The following NEK1 variants were observed in gnomAD, a reference collection of about 807,000 sequenced individuals.
NEK1 encodes the protein serine/threonine-protein kinase Nek1.
A neutral mutation model predicts 182.1 loss-of-function variants in NEK1; 137 were observed. The ratio of observed to expected loss-of-function variants is 0.75; its 90% CI spans 0.65 to 0.87. The LOEUF is 0.87. Among genes scored for constraint, NEK1 ranks in the 40% least tolerant of loss-of-function variants. The pLI, the probability that NEK1 is intolerant of heterozygous loss-of-function variation, is 0.00. For synonymous variants in NEK1, 513 were observed against 492.2 expected, an observed-to-expected ratio of 1.04 and a Z score of -0.56; for missense variants, 1,391 against 1,494.4, an observed-to-expected ratio of 0.93 and a Z score of 1.14.
chr4:169,547,946 T>C (rs1760795692), intron 18 of NEK1, among the ~76,000 whole-genome samples: 1 of 152,196 alleles, frequency 6.6e-6, no homozygotes, highest in Non-Finnish European at 1.5e-5. Context: ...AGTTTGTTAT[T>C]ACCCACCTCC....
intron 31 of NEK1, among the ~76,000 whole-genome samples, chr4:169,422,883 C>T (rs539901834): frequency 6.6e-6 from 1 of 152,274 alleles, no homozygotes; most frequent in African/African-American, 2.4e-5. Flanking sequence ...TACATCTTTA[C>T]TACAAGAAAA....
At chr4:169,465,700 G>T (rs1017328936) in intron 26 of NEK1, among the ~76,000 whole-genome samples, 3 of 152,100 alleles carry the variant, frequency 2.0e-5, no homozygotes, top group African/African-American at 7.2e-5. Flanking sequence ...GCACAAGGCA[G>T]ATTATTCAGA....
chr4:169,484,973 C>G (rs1308134899), intron 23 of NEK1, among the ~76,000 whole-genome samples: 1 of 152,168 alleles, frequency 6.6e-6, no homozygotes, highest in South Asian at 2.1e-4. Flanking sequence ...TTAAACACTA[C>G]AAGTCTGGTT....
chr4:169,488,289 A>T (rs1265509589), intron 23 of NEK1, among the ~76,000 whole-genome samples: 3 of 152,022 alleles, frequency 2.0e-5, no homozygotes, highest in Non-Finnish European at 4.4e-5. Flanking sequence ...TTCTTCTAGG[A>T]TTTCTATAGT....
In NEK1 at chr4:169,438,157, G is replaced by A. The variant is rs769492889; in HGVS notation, c.2690C>T (p.Pro897Leu). The A allele has an allele frequency of 1.2e-6, 2 of 1,609,992 alleles. No homozygotes were observed. Among genetic ancestry groups the A allele is most frequent in the Non-Finnish European group, 1.7e-6 (2 of 1,178,002 alleles). ...EINPSAIVDS[P>L]VETKSPEFSE... ...GAACTCGGGACTTTTTGTCTCAACA[G>A]GAGAATCAACAATAGCTGATGGGTT... The change falls in exon 28 of 36, where the codon CCT (proline) becomes CTT (leucine). Residue 897 changes from proline (P) to leucine (L), a missense_variant. Physicochemically the swap from Pro to Leu is moderately conservative, Grantham distance 98. Around this residue, in one of 5 missense-constraint regions of NEK1, gnomAD observed 1,216 missense variants for 1,277.6 expected, o/e 0.95. Coordinates refer to ENST00000507142, the MANE Select transcript of NEK1 (RefSeq NM_001199397.3).
chr4:169,461,924 T>G (rs1744042250), intron 27 of NEK1, among the ~76,000 whole-genome samples: 1 of 152,134 alleles, frequency 6.6e-6, no homozygotes, highest in Non-Finnish European at 1.5e-5. Flanking sequence ...AGTTGGTGAC[T>G]GAATGAAGAG....
At chr4:169,588,900 G>A (rs1000973751) in intron 7 of NEK1, among the ~76,000 whole-genome samples, 165 bp from the exon 8 acceptor site, 1 of 152,112 alleles carries the variant, frequency 6.6e-6, no homozygotes, top group African/African-American at 2.4e-5. Flanking sequence ...GACATACACT[G>A]TAGAGCAATT....
At chr4:169,584,448 C>T (rs770823672) in intron 10 of NEK1, among the ~76,000 whole-genome samples, 6 of 151,728 alleles carry the variant, frequency 4.0e-5, no homozygotes, top group Non-Finnish European at 5.9e-5. Flanking sequence ...TCTGCCTCTA[C>T]AAAAAATACA....
chr4:169,400,266 T>A lies in NEK1; in HGVS notation c.3806A>T (p.Lys1269Met). 3.8e-6 allele frequency: 6 copies of A among 1,575,718 alleles called. No homozygotes were observed. Among genetic ancestry groups the A allele is most frequent in the Non-Finnish European group, 5.2e-6 (6 of 1,158,020 alleles). ...ATCTGCCATGACTAAATGAAGAATC[T>A]TGGCATAAAGATGCTGATGTTCATT... is the stretch of plus-strand genomic sequence containing the variant. ...LGNEHQHLYA[K>M]ILHLVMADGA... Residue 1269 changes from lysine (K) to methionine (M), a missense_variant, in exon 35 of 36, where the codon AAG becomes ATG. Lys to Met is a moderately conservative substitution (Grantham distance 95). Around this residue, in one of 5 missense-constraint regions of NEK1, gnomAD observed 1,216 missense variants for 1,277.6 expected, o/e 0.95. Transcript: ENST00000507142.
chr4:169,462,233 A>T (rs1228732701), intron 27 of NEK1, among the ~76,000 whole-genome samples: 1 of 152,072 alleles, frequency 6.6e-6, no homozygotes, highest in Non-Finnish European at 1.5e-5. Flanking sequence ...AAAATGTTAG[A>T]GCCTGAAGGC....
chr4:169,443,816 A>C (rs1739991774), intron 27 of NEK1, among the ~76,000 whole-genome samples: 1 of 152,186 alleles, frequency 6.6e-6, no homozygotes, highest in Non-Finnish European at 1.5e-5. Context: ...CAACAGACTA[A>C]CAATGGCTTT....
At chr4:169,610,704 G>A (rs1164667541) in intron 2 of NEK1, among the ~76,000 whole-genome samples, 1 of 152,188 alleles carries the variant, frequency 6.6e-6, no homozygotes, top group African/African-American at 2.4e-5. Context: ...TATATGAATG[G>A]AAAAGCTCAA....
At chr4:169,606,655 T>C (rs1581117131) in intron 2 of NEK1, among the ~76,000 whole-genome samples, 1 of 152,202 alleles carries the variant, frequency 6.6e-6, no homozygotes, top group African/African-American at 2.4e-5. Flanking sequence ...AGACCACAGA[T>C]ATCTCTAGAT....
chr4:169,588,770 G>C (rs1561468814), intron 7 of NEK1, 35 bp from the exon 8 acceptor site: 14 of 1,300,062 alleles, frequency 1.1e-5, no homozygotes, highest in Non-Finnish European at 1.5e-5. Context: ...AGAAGTTAAA[G>C]ACACAGTCAT....
At chr4:169,460,479 A>G (rs1743762295) in intron 27 of NEK1, among the ~76,000 whole-genome samples, 1 of 152,098 alleles carries the variant, frequency 6.6e-6, no homozygotes, top group African/African-American at 2.4e-5. Context: ...TTCCTCTCAT[A>G]ACACGTGGGA....
chr4:169,505,583 A>T (rs368251339), intron 23 of NEK1, among the ~76,000 whole-genome samples: 2 of 152,374 alleles, frequency 1.3e-5, no homozygotes, highest in East Asian at 3.9e-4. Context: ...TCGTATGTGA[A>T]TTTTTGACTG....
chr4:169,610,762 T>A (rs905399265), intron 2 of NEK1, among the ~76,000 whole-genome samples: 3 of 152,248 alleles, frequency 2.0e-5, no homozygotes, highest in African/African-American at 7.2e-5. Context: ...TAAGCTCTCA[T>A]CAGGTGTTTC....
In NEK1 at chr4:169,555,984, C is replaced by G; in HGVS notation, c.1378G>C (p.Asp460His). ...TCTCTTTTCCATTTAGCTTCATTAT[C>G]TTCTGCTCTTTGTTGCTGCATTTGG... ...FDQMQQQRAE[D>H]NEAKWKREIY... is the part of the protein sequence containing the mutation. The change falls in exon 17 of 36, where the codon GAT (aspartate) becomes CAT (histidine). Residue 460 changes from aspartate (D) to histidine (H), a missense_variant. Physicochemically the swap from Asp to His is moderately conservative, Grantham distance 81. This residue lies in a region of NEK1 where 1,216 missense variants were observed against 1,277.6 expected (regional missense o/e 0.95). Transcript: ENST00000507142. The G allele has an allele frequency of 6.2e-7, 1 of 1,613,722 alleles. No homozygotes were observed. Among genetic ancestry groups the G allele is most frequent in the Non-Finnish European group, 8.5e-7 (1 of 1,179,778 alleles).
chr4:169,596,511 G>A (rs1365226775), intron 5 of NEK1, among the ~76,000 whole-genome samples: 3 of 152,142 alleles, frequency 2.0e-5, no homozygotes, highest in South Asian at 2.1e-4. Flanking sequence ...CCAAGGGAAC[G>A]TACTTAGTTC....
Sources: gnomAD v4.1 joint callset for allele counts (sites outside exome capture counted in the v4.1 genomes callset) on GRCh38, gnomAD v4.1.1 for gene constraint, gnomAD v4.1.1 regional missense constraint, MANE v1.5 for transcripts, NCBI Gene and HGNC (gene_info 2026-07-23, HGNC 2026-07-21) for gene names.